The following TLCD3A variants were observed in gnomAD, a reference collection of about 807,000 sequenced individuals.
TLCD3A encodes the protein TLC domain containing 3A.
Under a neutral mutation model 29.9 loss-of-function variants are expected in TLCD3A, and 17 were observed. That is an observed-to-expected ratio of 0.57 (90% confidence interval 0.39 to 0.85). TLCD3A has a LOEUF of 0.85. Among genes scored for constraint, TLCD3A ranks in the 40% least tolerant of loss-of-function variants. The pLI, the probability that TLCD3A is intolerant of heterozygous loss-of-function variation, is 0.00. For missense variants in TLCD3A, 332 were observed against 350.8 expected (o/e 0.95, Z 0.43); for synonymous variants, 143 against 147.7 (o/e 0.97, Z 0.23).
At chr17:737,571 C>G (rs1974175588) in intron 2 of TLCD3A, among the ~76,000 whole-genome samples, 1 of 152,114 alleles carries the variant, frequency 6.6e-6, no homozygotes, top group South Asian at 2.1e-4. Flanking sequence ...AATGCCAGAA[C>G]ATCTACTACA....
At chr17:732,946 G>C (rs1162707065) in intron 1 of TLCD3A, 152 bp from the exon 2 acceptor site, 1 of 1,394,902 alleles carries the variant, frequency 7.2e-7, no homozygotes, top group Non-Finnish European at 9.5e-7. Flanking sequence ...CGGGAGCGGG[G>C]CCGGGGCGGG....
chr17:739,287 C>G (rs1974212772), intron 3 of TLCD3A, among the ~76,000 whole-genome samples: 1 of 152,108 alleles, frequency 6.6e-6, no homozygotes, highest in Non-Finnish European at 1.5e-5. Context: ...CTCCCGGGTT[C>G]AAGTGATTCT....
At chr17:733,311 C>T (rs1974105622) in intron 2 of TLCD3A, 130 bp downstream of exon 2, 6 of 869,362 alleles carry the variant, frequency 6.9e-6, no homozygotes, top group Non-Finnish European at 1.0e-5. Context: ...GCTCCTTCTT[C>T]CTCTCCGGAG....
chr17:740,432 C>T lies in TLCD3A; in HGVS notation c.409-73C>T, dbSNP rs147964084. 1.1e-4 allele frequency: 119 copies of T among 1,094,018 alleles called. 1 individual carries two copies. The East Asian group carries it at 2.2e-3, about 20-fold the overall frequency. 67.8% of individuals were successfully genotyped at this position (1,094,018 alleles called of 1,614,324 possible). ...CCGTCACAGTTACCCTTTTCAGTAG[C>T]CCTCGTTGGAATTTTCCTTCTGGTG... On this transcript the variant is annotated intron_variant, in intron 3 of 4. Transcript: ENST00000308278.
At position 741,351 on chromosome 17, in the gene TLCD3A, G is replaced by T; in HGVS notation, c.555G>T (p.Leu185=). 1.9e-6 allele frequency: 3 copies of T among 1,614,184 alleles called. No homozygotes were observed. The highest frequency in any genetic ancestry group is 2.5e-6 in the Non-Finnish European group (3 of 1,180,022). ...ACAAGGTGAATGGAATCCTCACGCT[G>T]GCCACCTTCCTTTCCTGCCGGATCC... ...LLYKVNGILT[L]ATFLSCRILL... The change falls in exon 5 of 5, where the codon CTG becomes CTT. Residue 185 remains leucine, a synonymous_variant. Coordinates refer to ENST00000308278, the MANE Select transcript of TLCD3A (RefSeq NM_024792.3).
intron 2 of TLCD3A, among the ~76,000 whole-genome samples, chr17:735,621 T>A (rs1161577650): frequency 1.3e-5 from 2 of 152,120 alleles, no homozygotes; most frequent in Admixed American, 6.6e-5. Flanking sequence ...AGAAAGCACC[T>A]GAGACCATAG....
rs989094839 is a variant in TLCD3A, at chr17:732,727, A to G, written c.80A>G (p.Gln27Arg). 6.9e-7 allele frequency: 1 copy of G among 1,443,528 alleles called. No individual in the cohort carries two copies. Among genetic ancestry groups the G allele is most frequent in the Admixed American group, 2.5e-5 (1 of 40,442 alleles). 89.4% of individuals were successfully genotyped at this position (1,443,528 alleles called of 1,614,324 possible). ...TGCACCTGGGCGCTGCGCCGCTCCC[A>G]GCCCGGATGGAGCCGCACCGACTGC... ...ALCTWALRRS[Q>R]PGWSRTDCVM... The change falls in exon 1 of 5, where the codon CAG becomes CGG. Residue 27 changes from glutamine to arginine, a missense_variant. By Grantham distance (43) the Gln-to-Arg change is conservative (BLOSUM62 1). Transcript: ENST00000308278.
chr17:736,764 T>G (rs1159883149), intron 2 of TLCD3A, among the ~76,000 whole-genome samples: 1 of 151,854 alleles, frequency 6.6e-6, no homozygotes, highest in Non-Finnish European at 1.5e-5. Context: ...CAATCGATTC[T>G]CCTGCCTCAG....
Position 733,055 on chromosome 17 carries a change from G to C in TLCD3A, c.123-43G>C, listed in dbSNP as rs1277092471. 5 of 1,541,372 alleles carry C rather than the reference G, an allele frequency of 3.2e-6. No homozygotes were observed. The South Asian group carries it at 6.0e-5, about 18-fold the overall frequency. On this transcript the variant is annotated intron_variant, in intron 1 of 4. Transcript: ENST00000308278. The stretch of plus-strand genomic sequence containing the variant: ...CCGGGCCGGGCTCCCTGCGGTCCTC[G>C]GACCGGACTGAGCGCGCGCGCTGTT...
intron 2 of TLCD3A, among the ~76,000 whole-genome samples, chr17:737,427 C>T (rs564346892): frequency 1.9e-4 from 29 of 151,990 alleles, no homozygotes; most frequent in African/African-American, 6.8e-4. Flanking sequence ...AGTAAAACCC[C>T]CAACTGTTGA....
intron 1 of TLCD3A, 118 bp downstream of exon 1, chr17:732,887 C>T (rs1235740346): frequency 4.4e-6 from 6 of 1,372,184 alleles, no homozygotes; most frequent in Non-Finnish European, 5.6e-6. Context: ...CTGCTCCCTC[C>T]GCGTCCCGGC....
At position 732,784 on chromosome 17, in the gene TLCD3A, G is replaced by T. The variant is rs572420553; in HGVS notation, c.122+15G>T. 3.5e-6 allele frequency: 5 copies of T among 1,443,936 alleles called. No individual in the cohort carries two copies. Among genetic ancestry groups the T allele is most frequent in the Non-Finnish European group, 4.5e-6 (5 of 1,099,950 alleles). The allele number at this position is 1,443,936 out of a possible 1,614,324, so 89.4% of individuals were successfully genotyped here. Reference sequence around the variant, plus strand: ...ATCAGCACCAGGTACCGGCGCCGCCGAGACGCCCCCCGAGGCCCGGGGCGC... The same window carrying T: ...ATCAGCACCAGGTACCGGCGCCGCCTAGACGCCCCCCGAGGCCCGGGGCGC... On this transcript the variant is annotated intron_variant, in intron 1 of 4. Coordinates refer to ENST00000308278, the MANE Select transcript of TLCD3A (RefSeq NM_024792.3).
Position 732,763 on chromosome 17 carries a change from G to A in TLCD3A, c.116G>A (p.Ser39Asn). The A allele has an allele frequency of 6.9e-7, 1 of 1,451,720 alleles. No homozygotes were observed. Among genetic ancestry groups the A allele is most frequent in the East Asian group, 3.0e-5 (1 of 32,938 alleles). 89.9% of individuals were successfully genotyped at this position (1,451,720 alleles called of 1,614,324 possible). ...AGCCGCACCGACTGCGTGATGATCA[G>A]CACCAGGTACCGGCGCCGCCGAGAC... ...GWSRTDCVMISTRLVSSVHAV... is the reference protein window; with the variant it reads ...GWSRTDCVMINTRLVSSVHAV... The change falls in exon 1 of 5, where the codon AGC becomes AAC. Residue 39 changes from serine to asparagine, a missense_variant. Transcript: ENST00000308278.
At position 732,952 on chromosome 17, in the gene TLCD3A, G is replaced by A. The variant is rs775262065; in HGVS notation, c.123-146G>A. 1.4e-4 allele frequency: 201 copies of A among 1,401,782 alleles called. 3 individuals are homozygous for A. In the South Asian group the frequency reaches 2.3e-3, roughly 16 times the overall value. The allele number at this position is 1,401,782 out of a possible 1,614,324, so 86.8% of individuals were successfully genotyped here. A position where few individuals can be genotyped will look rare whatever the true frequency, so the allele number is the denominator to read the frequency against. ...CTCCCCTGGCGGGAGCGGGGCCGGG[G>A]CGGGCGGGAATGGCCGATGAGCCTC... is the stretch of plus-strand genomic sequence containing the variant. On this transcript the variant is annotated intron_variant, in intron 1 of 4. Transcript: ENST00000308278.
At position 741,486 on chromosome 17, in the gene TLCD3A, A is replaced by G; in HGVS notation, c.690A>G (p.Val230=). 6.2e-7 allele frequency: 1 copy of G among 1,614,100 alleles called. No homozygotes were observed. Among genetic ancestry groups the G allele is most frequent in the Non-Finnish European group, 8.5e-7 (1 of 1,180,022 alleles). Residue 230 remains valine (V), a synonymous_variant, in exon 5 of 5, where the codon GTA becomes GTG. Transcript: ENST00000308278. ...GCAACGTGGCCAATGCCTTCCTCGT[A>G]GCTCCTCAGATCTACTGGTTCTGTC... ...FYCNVANAFL[V]APQIYWFCLL...
At chr17:733,452 A>G (rs1009365592) in intron 2 of TLCD3A, among the ~76,000 whole-genome samples, 23 of 152,212 alleles carry the variant, frequency 1.5e-4, no homozygotes, top group African/African-American at 5.5e-4. Context: ...GGAAGCATTT[A>G]CGACTGGGAG....
rs751882460 is a variant in TLCD3A at position 741,461 on chromosome 17, G to A, written c.665G>A (p.Cys222Tyr). Residue 222 changes from cysteine to tyrosine, a missense_variant, in exon 5 of 5, where the codon TGC becomes TAC. Physicochemically the swap from Cys to Tyr is radical, Grantham distance 194. Transcript: ENST00000308278. ...LQVPFSIPFY[C>Y]NVANAFLVAP... is the part of the protein sequence containing the mutation. Reference sequence around the variant, plus strand: ...GTACCCTTCAGCATCCCATTCTACTGCAACGTGGCCAATGCCTTCCTCGTA... The same window carrying A: ...GTACCCTTCAGCATCCCATTCTACTACAACGTGGCCAATGCCTTCCTCGTA... 1.9e-6 allele frequency: 3 copies of A among 1,614,188 alleles called. No homozygotes were observed. Among genetic ancestry groups the A allele is most frequent in the Non-Finnish European group, 2.5e-6 (3 of 1,180,038 alleles).
At chr17:733,318 G>A (rs889589074) in intron 2 of TLCD3A, 137 bp downstream of exon 2, 2 of 771,486 alleles carry the variant, frequency 2.6e-6, no homozygotes, top group African/African-American at 1.9e-5. Context: ...CTTCCTCTCC[G>A]GAGTCTTCGG....
In TLCD3A at chr17:741,961, T is replaced by A. The variant is rs138165200; in HGVS notation, c.*391T>A. On this transcript the variant is annotated 3_prime_UTR_variant, in exon 5 of 5. Transcript: ENST00000308278. Reference sequence around the variant, plus strand: ...CCACCTTCCAAACCACTCAGGACAGTACCCGTGGCACTGGGCCCGCAGAAG... The same window carrying A: ...CCACCTTCCAAACCACTCAGGACAGAACCCGTGGCACTGGGCCCGCAGAAG... 5.4e-4 allele frequency: 130 copies of A among 240,340 alleles called. 1 individual carries two copies. The East Asian group carries it at 0.014, about 26-fold the overall frequency. The allele number at this position is 240,340 out of a possible 1,614,324, so 14.9% of individuals were successfully genotyped here.
Sources: gnomAD v4.1 joint callset for allele counts (sites outside exome capture counted in the v4.1 genomes callset) on GRCh38, gnomAD v4.1.1 for gene constraint, MANE v1.5 for transcripts, NCBI Gene and HGNC (gene_info 2026-07-23, HGNC 2026-07-21) for gene names.